Variants in MCTP2 observed in about 807,000 individuals in gnomAD.
The protein encoded by MCTP2 is multiple C2 and transmembrane domain containing 2, also known as multiple C2 and transmembrane domain-containing protein 2.
In MCTP2, 132 loss-of-function variants were observed where a neutral mutation model predicts 111.6. The ratio of observed to expected loss-of-function variants is 1.18; its 90% CI spans 1.03 to 1.37. The LOEUF (loss-of-function observed/expected upper bound fraction) is 1.37. Ranked by LOEUF, MCTP2 falls within the 40% of genes most tolerant of loss-of-function variation. MCTP2 has a pLI of 0.00. For synonymous variants in MCTP2, 395 were observed against 387.7 expected (o/e 1.02, Z -0.22); for missense variants, 1,183 against 1,067.9 (o/e 1.11, Z -1.50).
rs75683238 is a variant in MCTP2, at chr15:94,415,363, A to G, written c.2085+13344A>G. Among the ~76,000 whole-genome samples, 641 of 152,244 alleles carry G rather than the reference A, an allele frequency of 4.2e-3. 1 individual carries two copies. Among genetic ancestry groups the G allele is most frequent in the African/African-American group, 0.013 (557 of 41,554 alleles). The stretch of plus-strand genomic sequence containing the variant: ...TAAACTCTGAATTAGGAGTGAAAGC[A>G]ATAAGAGATGTTATTTACCGTACCG... On this transcript the variant is annotated intron_variant, in intron 17 of 22. Coordinates refer to ENST00000357742, the MANE Select transcript of MCTP2 (RefSeq NM_001385001.1).
At chr15:94,244,275 CATAT>C (rs202101239) in intron 1 of MCTP2, among the ~76,000 whole-genome samples, 1 of 142,470 alleles carries the variant, frequency 7.0e-6, no homozygotes, top group Non-Finnish European at 1.5e-5. Context: ...TATATACACA[CATAT>C]ATACACATAC....
chr15:94,243,547 G>A (rs1346896831), intron 1 of MCTP2, among the ~76,000 whole-genome samples: 1 of 147,888 alleles, frequency 6.8e-6, no homozygotes, highest in African/African-American at 2.5e-5. Context: ...GCGTGCATAC[G>A]TATGCGTATA....
At chr15:94,320,141 CTT>C (rs71135503) in intron 4 of MCTP2, among the ~76,000 whole-genome samples, 2,452 of 117,894 alleles carry the variant, frequency 0.021, 61 homozygotes, top group African/African-American at 0.069. Context: ...GTTTATTAAT[CTT>C]TTTTTTTTTT....
chr15:94,381,152 G>T (rs543658544), intron 12 of MCTP2, among the ~76,000 whole-genome samples: 4 of 152,178 alleles, frequency 2.6e-5, no homozygotes, highest in African/African-American at 9.6e-5. Flanking sequence ...GTGAGCATTT[G>T]GACATTTCAT....
chr15:94,402,779 T>G (rs2081666828), intron 17 of MCTP2: 2 of 1,414,744 alleles, frequency 1.4e-6, no homozygotes, highest in Non-Finnish European at 1.8e-6. Context: ...CAAATCTTTG[T>G]ATATTTGGTA....
chr15:94,279,954 C>G (rs547047832), intron 1 of MCTP2, among the ~76,000 whole-genome samples: 5 of 152,244 alleles, frequency 3.3e-5, no homozygotes, highest in Admixed American at 2.6e-4. Flanking sequence ...AGAAATAGTA[C>G]TATATCATGG....
chr15:94,410,884 C>T (rs2082122408), intron 17 of MCTP2, among the ~76,000 whole-genome samples: 1 of 152,232 alleles, frequency 6.6e-6, no homozygotes, highest in African/African-American at 2.4e-5. Flanking sequence ...AATCCAAAAA[C>T]AACCTGGCAG....
chr15:94,408,841 C>A (rs557017188), intron 17 of MCTP2, among the ~76,000 whole-genome samples: 1 of 152,214 alleles, frequency 6.6e-6, no homozygotes, highest in Non-Finnish European at 1.5e-5. Context: ...ATAGCACAGC[C>A]ATATTCACAT....
intron 19 of MCTP2, among the ~76,000 whole-genome samples, chr15:94,451,520 C>T (rs149243101): frequency 2.8e-4 from 43 of 152,306 alleles, no homozygotes; most frequent in Non-Finnish European, 4.6e-4. Flanking sequence ...TTAATCACAC[C>T]AGTGGCCTTC....
rs138084202 is a variant in MCTP2, at chr15:94,407,947, G to A, written c.2085+5928G>A. On this transcript the variant is annotated intron_variant, in intron 17 of 22. Transcript: ENST00000357742. ...CTGCTGTTTTCCATGATTTCTCTGT[G>A]GACCGAAAAACATTCAGATTCATTT... 7.5e-3 allele frequency among the ~76,000 whole-genome samples: 1,148 copies of A among 152,184 alleles called. 14 individuals carry two copies. Among genetic ancestry groups the A allele is most frequent in the African/African-American group, 0.026 (1,082 of 41,528 alleles).
In MCTP2 at chr15:94,456,271, A is replaced by G. The variant is rs145962395; in HGVS notation, c.2251-1866A>G. Among the ~76,000 whole-genome samples the G allele has an allele frequency of 2.3e-4, 35 of 152,334 alleles. No homozygotes were observed. The East Asian group carries it at 6.7e-3, about 29-fold the overall frequency. On this transcript the variant is annotated intron_variant, in intron 19 of 22. Transcript: ENST00000357742. Reference sequence around the variant, plus strand: ...CTCATGAGCATCGTTATTTTGGCATACTAACTCATGCTTTCTTCACAACCA... The same window carrying G: ...CTCATGAGCATCGTTATTTTGGCATGCTAACTCATGCTTTCTTCACAACCA...
intron 17 of MCTP2, among the ~76,000 whole-genome samples, chr15:94,414,127 C>T (rs938655647): frequency 1.3e-5 from 2 of 152,148 alleles, no homozygotes; most frequent in Admixed American, 1.3e-4. Flanking sequence ...TGAGTGTCAT[C>T]AACAGATAAC....
At chr15:94,397,518 G>C (rs776993108) in intron 14 of MCTP2, among the ~76,000 whole-genome samples, 2 of 152,174 alleles carry the variant, frequency 1.3e-5, no homozygotes, top group African/African-American at 2.4e-5. Flanking sequence ...GTATCAAGGC[G>C]GAAGCTCAGA....
intron 1 of MCTP2, among the ~76,000 whole-genome samples, chr15:94,245,458 A>T (rs1180867808): frequency 7.2e-6 from 1 of 139,464 alleles, no homozygotes; most frequent in Non-Finnish European, 1.5e-5. Flanking sequence ...ATGTATATGT[A>T]TTTATATACA....
At chr15:94,251,692 C>T (rs74991992) in intron 1 of MCTP2, among the ~76,000 whole-genome samples, 12,591 of 152,144 alleles carry the variant, frequency 0.083, 793 homozygotes, top group African/African-American at 0.16. Context: ...AGTTCAGTGA[C>T]GTTATGTTTA....
intron 17 of MCTP2, among the ~76,000 whole-genome samples, chr15:94,429,318 A>G (rs895414233): frequency 6.6e-6 from 1 of 151,936 alleles, no homozygotes; most frequent in Non-Finnish European, 1.5e-5. Context: ...CTCCTCATTT[A>G]TTGCTACAGT....
chr15:94,360,080 CT>C (rs1219083826), intron 10 of MCTP2, among the ~76,000 whole-genome samples: 4 of 152,158 alleles, frequency 2.6e-5, no homozygotes, highest in Non-Finnish European at 5.9e-5. Context: ...CACAGCATCC[CT>C]TTTTTTCATC....
At position 94,243,019 on chromosome 15, in the gene MCTP2, A is replaced by G. The variant is rs1389315595; in HGVS notation, c.-66+11355A>G. Among the ~76,000 whole-genome samples the G allele has an allele frequency of 4.7e-5, 4 of 85,316 alleles. 2 individuals are homozygous for G. The highest frequency in any genetic ancestry group is 1.0e-4 in the Non-Finnish European group (4 of 38,486). 56.0% of individuals were successfully genotyped at this position (85,316 alleles called of 152,430 possible). A position where few individuals can be genotyped will look rare whatever the true frequency, so the allele number is the denominator to read the frequency against. ...TGTGTATCTACACATACACGTGTATATGTGTATCTACACATACACGTGTAT... is the reference window on the plus strand; with the variant it reads ...TGTGTATCTACACATACACGTGTATGTGTGTATCTACACATACACGTGTAT... On this transcript the variant is annotated intron_variant, in intron 1 of 22. Transcript: ENST00000357742.
Position 94,260,422 on chromosome 15 carries a change from A to G in MCTP2, c.-66+28758A>G, listed in dbSNP as rs539898233. ...CATTCTTTCCAGAGTGACAGTGCCA[A>G]CTCTCTTCTTCTTTCTGCCCTCTCG... On this transcript the variant is annotated intron_variant, in intron 1 of 22. Transcript: ENST00000357742. 9.2e-5 allele frequency among the ~76,000 whole-genome samples: 14 copies of G among 151,558 alleles called. No individual in the cohort carries two copies. In the South Asian group the frequency reaches 2.1e-3, roughly 23 times the overall value.
Sources: allele counts gnomAD v4.1 joint callset (sites outside exome capture counted in the v4.1 genomes callset), GRCh38; gene constraint gnomAD v4.1.1; transcripts MANE v1.5; gene names NCBI Gene and HGNC (gene_info 2026-07-23, HGNC 2026-07-21).